Variants in CCNG1 observed in about 807,000 individuals in gnomAD.
The protein encoded by CCNG1 is cyclin G1.
In CCNG1, 13 loss-of-function variants were observed where a neutral mutation model predicts 30.0. The observed-to-expected ratio is 0.43, with a 90% CI of 0.28 to 0.69. The LOEUF (loss-of-function observed/expected upper bound fraction) is 0.69. CCNG1 is among the 30% of genes least tolerant of loss of function. The pLI is 0.16. For synonymous variants in CCNG1, 110 were observed against 121.5 expected, an observed-to-expected ratio of 0.91 and a Z score of 0.62; for missense variants, 285 against 331.4, an observed-to-expected ratio of 0.86 and a Z score of 1.09.
Position 163,442,393 on chromosome 5 carries a change from C to G in CCNG1, c.716C>G (p.Thr239Ser), listed in dbSNP as rs564591663. 6.2e-7 allele frequency: 1 copy of G among 1,612,218 alleles called. No homozygotes were observed. The highest frequency in any genetic ancestry group is 8.5e-7 in the Non-Finnish European group (1 of 1,179,216). The change falls in exon 6 of 7, where the codon ACC becomes AGC. Residue 239 changes from threonine to serine, a missense_variant. Transcript: ENST00000340828. ...GTACAGATAAATGGCAGAGATCTGACCTTCTGGCAAGAGCTTGTATCCAAA... is the reference window on the plus strand; with the variant it reads ...GTACAGATAAATGGCAGAGATCTGAGCTTCTGGCAAGAGCTTGTATCCAAA... The part of the protein sequence containing the change: ...KHSKINGRDL[T>S]FWQELVSKCL...
At position 163,439,466 on chromosome 5, in the gene CCNG1, A is replaced by G; in HGVS notation, c.210A>G (p.Thr70=). Residue 70 remains threonine, a synonymous_variant, in exon 2 of 7, where the codon ACA becomes ACG. Transcript: ENST00000340828. The part of the protein sequence containing the change: ...LSLTQFFGFD[T]ETFSLAVNLL... Reference sequence around the variant, plus strand: ...TAACTCAGTTCTTTGGCTTTGACACAGAGACATTTTCTCTAGCTGTGAATT... The same window carrying G: ...TAACTCAGTTCTTTGGCTTTGACACGGAGACATTTTCTCTAGCTGTGAATT... 1.2e-6 allele frequency: 2 copies of G among 1,614,080 alleles called. No homozygotes were observed. The highest frequency in any genetic ancestry group is 1.7e-6 in the Non-Finnish European group (2 of 1,179,906).
chr5:163,445,074 TAACAG>T (rs962310952), downstream of CCNG1: 2 of 152,222 alleles, frequency 1.3e-5, no homozygotes, highest in Non-Finnish European at 2.9e-5. Context: ...AGCAATGTGT[TAACAG>T]AACATTATAA....
At chr5:163,443,293 CAG>C (rs565891313) in intron 6 of CCNG1, among the ~76,000 whole-genome samples, 93 of 123,472 alleles carry the variant, frequency 7.5e-4, no homozygotes, top group African/African-American at 3.0e-3. Context: ...GCCTGGGCGA[CAG>C]AGCAAGACTC....
chr5:163,439,162 C>CTTATAAATCAT (rs1381722620), intron 1 of CCNG1, 95 bp from the exon 2 acceptor site: 1 of 1,073,018 alleles, frequency 9.3e-7, no homozygotes, highest in Non-Finnish European at 1.4e-6. Context: ...GGATGGGAGG[C>CTTATAAATCAT]TTATAAATCA....
chr5:163,443,628 T>C, intron 6 of CCNG1, 46 bp from the exon 7 acceptor site: 1 of 1,028,032 alleles, frequency 9.7e-7, no homozygotes. Flanking sequence ...TTAGGCAGAC[T>C]GGCTTCTGTT....
In CCNG1 at chr5:163,442,088, C is replaced by T; in HGVS notation, c.641C>T (p.Ala214Val). The change falls in exon 5 of 7, where the codon GCA (alanine) becomes GTA (valine). Residue 214 changes from alanine to valine, a missense_variant. By Grantham distance (64) the Ala-to-Val change is moderately conservative. Coordinates refer to ENST00000340828, the MANE Select transcript of CCNG1 (RefSeq NM_004060.4). Reference sequence around the variant, plus strand: ...TCTATCATTGCATTAGAGATCCAAGCACAGAAGTGTGTAGAGTTAACAGAA... The same window carrying T: ...TCTATCATTGCATTAGAGATCCAAGTACAGAAGTGTGTAGAGTTAACAGAA... The part of the protein sequence containing the change: ...ALSIIALEIQ[A>V]QKCVELTEGI... 1 of 1,612,820 alleles carries T rather than the reference C, an allele frequency of 6.2e-7. No individual in the cohort carries two copies. Among genetic ancestry groups the T allele is most frequent in the Non-Finnish European group, 8.5e-7 (1 of 1,179,078 alleles).
chr5:163,452,793 A>G, the CCNG1 span: 1 of 152,218 alleles, frequency 6.6e-6, no homozygotes, highest in African/African-American at 2.4e-5. Context: ...AGAACTCAAA[A>G]TAAGGGGTGT....
chr5:163,438,599 A>G (rs1227665458), intron 1 of CCNG1, among the ~76,000 whole-genome samples: 1 of 152,236 alleles, frequency 6.6e-6, no homozygotes, highest in Non-Finnish European at 1.5e-5. Context: ...TTTTGTTAAT[A>G]TGTGGCAGAA....
Position 163,439,533 on chromosome 5 carries a change from C to A in CCNG1, c.264+13C>A. The A allele has an allele frequency of 6.2e-7, 1 of 1,602,294 alleles. No individual in the cohort carries two copies. The highest frequency in any genetic ancestry group is 8.5e-7 in the Non-Finnish European group (1 of 1,172,898). On this transcript the variant is annotated intron_variant, in intron 2 of 6. Transcript: ENST00000340828. ...GTCTAAAATGAAGGTATGTTTGAAG[C>A]TACATTTTTGTAATTTTGCTCAGTG...
chr5:163,439,454 T>A lies in CCNG1; in HGVS notation c.198T>A (p.Phe66Leu), dbSNP rs1213676474. Residue 66 changes from phenylalanine to leucine, a missense_variant, in exon 2 of 7, where the codon TTT becomes TTA. Transcript: ENST00000340828. ...ATCTTCTTAGTCTAACTCAGTTCTT[T>A]GGCTTTGACACAGAGACATTTTCTC... ...VKDLLSLTQF[F>L]GFDTETFSLA... is the part of the protein sequence containing the mutation. 2 of 1,613,994 alleles carry A rather than the reference T, an allele frequency of 1.2e-6. No individual in the cohort carries two copies. Among genetic ancestry groups the A allele is most frequent in the Non-Finnish European group, 1.7e-6 (2 of 1,179,934 alleles).
chr5:163,454,636 C>T, the CCNG1 span, among the ~76,000 whole-genome samples: 1 of 152,162 alleles, frequency 6.6e-6, no homozygotes, highest in Admixed American at 6.5e-5. Flanking sequence ...CCATGGCGCC[C>T]AGCCTATAGC....
At chr5:163,443,266 C>G (rs999970429) in intron 6 of CCNG1, among the ~76,000 whole-genome samples, 1 of 148,526 alleles carries the variant, frequency 6.7e-6, no homozygotes, top group Non-Finnish European at 1.5e-5. Context: ...GAGCTGAGAT[C>G]GCGCCACTAC....
downstream of CCNG1, chr5:163,447,352 G>A (rs1581174193): frequency 1.3e-5 from 2 of 151,786 alleles, no homozygotes; most frequent in East Asian, 3.9e-4. Flanking sequence ...TGAGGAGCCT[G>A]AGGTGGGAAG....
chr5:163,445,483 C>T (rs1159750169), downstream of CCNG1, among the ~76,000 whole-genome samples: 1 of 152,070 alleles, frequency 6.6e-6, no homozygotes, highest in Non-Finnish European at 1.5e-5. Flanking sequence ...GAGACAGGGT[C>T]ACTCTTGTCA....
chr5:163,457,357 G>T, the CCNG1 span, among the ~76,000 whole-genome samples: 2 of 151,778 alleles, frequency 1.3e-5, no homozygotes, highest in Admixed American at 1.3e-4. Context: ...GTCTCAAGAA[G>T]TTCTTCATTA....
the CCNG1 span, among the ~76,000 whole-genome samples, chr5:163,455,170 G>A: frequency 6.6e-6 from 1 of 152,008 alleles, no homozygotes; most frequent in South Asian, 2.1e-4. Flanking sequence ...CAGGATAAGG[G>A]AAATAAAATT....
In CCNG1 at chr5:163,442,362, AT is replaced by A; in HGVS notation, c.697-11del. On this transcript the variant is annotated splice_polypyrimidine_tract_variant and intron_variant, in intron 5 of 6. Transcript: ENST00000340828. Reference sequence around the variant, plus strand: ...TTGGAGTAATAATTTTTTAAAATTTATGTATGTACAGATAAATGGCAGAGAT... The same window carrying A: ...TTGGAGTAATAATTTTTTAAAATTTAGTATGTACAGATAAATGGCAGAGAT... The A allele has an allele frequency of 6.3e-7, 1 of 1,578,852 alleles. No individual in the cohort carries two copies. Among genetic ancestry groups the A allele is most frequent in the Non-Finnish European group, 8.6e-7 (1 of 1,165,022 alleles).
At chr5:163,440,524 A>G (rs193042827) in intron 2 of CCNG1, among the ~76,000 whole-genome samples, 90 of 152,318 alleles carry the variant, frequency 5.9e-4, no homozygotes, top group Non-Finnish European at 1.2e-4. Flanking sequence ...AGTAAACTGG[A>G]TAAAGTTTTG....
the CCNG1 span, chr5:163,452,581 T>A: frequency 6.6e-6 from 1 of 152,120 alleles, no homozygotes; most frequent in African/African-American, 2.4e-5. Context: ...AGAAACAAGG[T>A]AGTATTTTGC....
Sources: allele counts gnomAD v4.1 joint callset (sites outside exome capture counted in the v4.1 genomes callset), GRCh38; gene constraint gnomAD v4.1.1; transcripts MANE v1.5; gene names NCBI Gene and HGNC (gene_info 2026-07-23, HGNC 2026-07-21).